Variants in PRKCE observed in about 807,000 individuals in gnomAD.
PRKCE encodes protein kinase C epsilon, also known as protein kinase C epsilon type.
A neutral mutation model predicts 85.4 loss-of-function variants in PRKCE; 16 were observed. That is an observed-to-expected ratio of 0.19 (90% CI 0.13 to 0.28). The LOEUF is 0.28. Ranked by LOEUF, PRKCE falls within the 10% of genes least tolerant of loss-of-function variation. PRKCE has a pLI of 1.00. For synonymous variants in PRKCE, 388 were observed against 371.5 expected (o/e 1.04, Z -0.51); for missense variants, 573 against 975.2 (o/e 0.59, Z 5.49).
At chr2:45,979,181 G>C (rs1702689660) in intron 4 of PRKCE, among the ~76,000 whole-genome samples, 171 bp downstream of exon 4, 1 of 152,150 alleles carries the variant, frequency 6.6e-6, no homozygotes, top group South Asian at 2.1e-4. Flanking sequence ...AATATATATG[G>C]GAGGCATTTG....
intron 14 of PRKCE, among the ~76,000 whole-genome samples, chr2:46,162,190 G>A (rs1435304673): frequency 6.6e-6 from 1 of 152,212 alleles, no homozygotes; most frequent in African/African-American, 2.4e-5. Flanking sequence ...CCCTGGGTCA[G>A]GGGTCAGGCA....
At chr2:45,775,631 C>T (rs1353490384) in intron 1 of PRKCE, among the ~76,000 whole-genome samples, 1 of 152,212 alleles carries the variant, frequency 6.6e-6, no homozygotes, top group African/African-American at 2.4e-5. Context: ...TTCCACTACC[C>T]TGGTCTGAGC....
intron 1 of PRKCE, among the ~76,000 whole-genome samples, chr2:45,773,526 G>A (rs1685507730): frequency 6.6e-6 from 1 of 152,190 alleles, no homozygotes; most frequent in Non-Finnish European, 1.5e-5. Context: ...ATTCACACCT[G>A]CTCTTGCTGA....
chr2:45,978,827 C>T, intron 3 of PRKCE, 149 bp from the exon 4 acceptor site: 1 of 659,972 alleles, frequency 1.5e-6, no homozygotes, highest in East Asian at 2.8e-5. Flanking sequence ...TTTAAGGCAC[C>T]TTGCAAGTGA....
At chr2:45,719,940 C>T (rs562518056) in intron 1 of PRKCE, among the ~76,000 whole-genome samples, 17 of 152,200 alleles carry the variant, frequency 1.1e-4, no homozygotes, top group East Asian at 3.9e-4. Flanking sequence ...ACAACAACAA[C>T]GACAACAACA....
intron 2 of PRKCE, among the ~76,000 whole-genome samples, chr2:45,924,187 A>G (rs1253677797): frequency 6.6e-6 from 1 of 152,132 alleles, no homozygotes; most frequent in Non-Finnish European, 1.5e-5. Context: ...GAGCAATGGA[A>G]TTGGCTGTTC....
At chr2:46,055,768 T>G (rs1666520659) in intron 10 of PRKCE, among the ~76,000 whole-genome samples, 1 of 152,152 alleles carries the variant, frequency 6.6e-6, no homozygotes, top group Non-Finnish European at 1.5e-5. Context: ...GCTCAAGTGA[T>G]GCTCCCACCT....
chr2:46,144,675 G>A (rs575965312), intron 11 of PRKCE, among the ~76,000 whole-genome samples: 2 of 152,276 alleles, frequency 1.3e-5, no homozygotes, highest in Non-Finnish European at 2.9e-5. Context: ...GGTTTTAACC[G>A]TTTCGTTGAT....
chr2:46,127,992 G>C (rs1674031277), intron 11 of PRKCE, among the ~76,000 whole-genome samples: 1 of 152,224 alleles, frequency 6.6e-6, no homozygotes, highest in Non-Finnish European at 1.5e-5. Flanking sequence ...CCAAGCCTTG[G>C]TGTTCCATGT....
intron 2 of PRKCE, among the ~76,000 whole-genome samples, chr2:45,904,772 GC>G (rs1696847691): frequency 6.6e-6 from 1 of 152,180 alleles, no homozygotes; most frequent in African/African-American, 2.4e-5. Context: ...CAAGACTCTT[GC>G]TGTCTCCCCG....
chr2:45,705,437 G>A lies in PRKCE; in HGVS notation c.348+52989G>A, dbSNP rs887061247. 6.6e-5 allele frequency among the ~76,000 whole-genome samples: 10 copies of A among 152,320 alleles called. No homozygotes were observed. In the East Asian group the frequency reaches 1.9e-3, roughly 29 times the overall value. ...ACATAGGAGTGACTGCCAGTTGGGG[G>A]TATATGTACTCCAGAGGAGGCGGGG... On this transcript the variant is annotated intron_variant, in intron 1 of 14. Coordinates refer to ENST00000306156, the MANE Select transcript of PRKCE (RefSeq NM_005400.3).
intron 1 of PRKCE, among the ~76,000 whole-genome samples, chr2:45,682,790 T>C (rs1252561109): frequency 6.6e-6 from 1 of 152,066 alleles, no homozygotes; most frequent in Non-Finnish European, 1.5e-5. Context: ...TTTCATCATG[T>C]TTCAACTCCT....
At chr2:46,133,996 C>T (rs1363166912) in intron 11 of PRKCE, among the ~76,000 whole-genome samples, 1 of 152,170 alleles carries the variant, frequency 6.6e-6, no homozygotes, top group Non-Finnish European at 1.5e-5. Context: ...TGGTTCTCTT[C>T]CTGAGTATAA....
chr2:45,745,223 C>G (rs768628859), intron 1 of PRKCE, among the ~76,000 whole-genome samples: 1 of 152,140 alleles, frequency 6.6e-6, no homozygotes, highest in Non-Finnish European at 1.5e-5. Context: ...CTTCCTGCAG[C>G]GACTGAGACA....
At chr2:45,847,670 A>G (rs1204887443) in intron 2 of PRKCE, among the ~76,000 whole-genome samples, 1 of 152,222 alleles carries the variant, frequency 6.6e-6, no homozygotes, top group Non-Finnish European at 1.5e-5. Context: ...GCCACAATCC[A>G]GGTCCTGCTT....
intron 14 of PRKCE, among the ~76,000 whole-genome samples, chr2:46,175,554 T>C (rs1679338971): frequency 6.6e-6 from 1 of 152,190 alleles, no homozygotes; most frequent in African/African-American, 2.4e-5. Context: ...GATGAGAAAA[T>C]GGCGGCACAG....
chr2:45,773,643 C>A (rs76187987), intron 1 of PRKCE, among the ~76,000 whole-genome samples: 1,933 of 152,284 alleles, frequency 0.013, 39 homozygotes, highest in African/African-American at 0.044. Context: ...TGTTTGGGAG[C>A]ATTCTAGAAT....
At chr2:45,803,941 A>G (rs1003964545) in intron 1 of PRKCE, among the ~76,000 whole-genome samples, 1 of 152,192 alleles carries the variant, frequency 6.6e-6, no homozygotes, top group African/African-American at 2.4e-5. Flanking sequence ...GGAAGTCAGG[A>G]TCCTCCGGTC....
At chr2:45,900,365 G>A (rs1233673205) in intron 2 of PRKCE, among the ~76,000 whole-genome samples, 3 of 152,200 alleles carry the variant, frequency 2.0e-5, no homozygotes, top group South Asian at 2.1e-4. Context: ...GAAACAACTC[G>A]AATGTCCATC....
Sources: allele counts gnomAD v4.1 joint callset (sites outside exome capture counted in the v4.1 genomes callset), GRCh38; gene constraint gnomAD v4.1.1; transcripts MANE v1.5; gene names NCBI Gene and HGNC (gene_info 2026-07-23, HGNC 2026-07-21).